The following PREX2 variants were observed in gnomAD, a reference collection of about 807,000 sequenced individuals.
PREX2 encodes the protein phosphatidylinositol 3,4,5-trisphosphate-dependent Rac exchanger 2 protein.
In PREX2, 107 loss-of-function variants were observed where a neutral mutation model predicts 203.2. The observed-to-expected ratio is 0.53, with a 90% confidence interval of 0.45 to 0.62. The LOEUF (loss-of-function observed/expected upper bound fraction) is 0.62, where lower values mean the gene tolerates loss of function less well. Among genes scored for constraint, PREX2 ranks in the 20% least tolerant of loss-of-function variants. PREX2 has a pLI of 0.00. For missense variants in PREX2, 1,777 were observed against 1,955.9 expected (o/e 0.91, Z 1.72); for synonymous variants, 672 against 663.6 (o/e 1.01, Z -0.19).
In PREX2 at chr8:68,184,119, A is replaced by G. The variant is rs576157092; in HGVS notation, c.4347-7603A>G. On this transcript the variant is annotated intron_variant, in intron 35 of 39. Transcript: ENST00000288368. ...AATGCTGATGCTTATGGGCATGGGG[A>G]AGGTAGGTGGGATAGAGGTGCAAAT... Among the ~76,000 whole-genome samples, 60 of 152,216 alleles carry G rather than the reference A, an allele frequency of 3.9e-4. 2 individuals are homozygous for G. In the South Asian group the frequency reaches 0.012, roughly 30 times the overall value.
intron 14 of PREX2, among the ~76,000 whole-genome samples, chr8:68,075,321 G>C (rs550219232): frequency 6.6e-6 from 1 of 152,282 alleles, no homozygotes; most frequent in East Asian, 1.9e-4. Context: ...TATTAAACAA[G>C]CTTTTCTTGT....
intron 35 of PREX2, among the ~76,000 whole-genome samples, chr8:68,166,014 C>A (rs934581377): frequency 2.0e-5 from 3 of 152,194 alleles, no homozygotes; most frequent in African/African-American, 7.2e-5. Flanking sequence ...GCAATCCTTA[C>A]CCAAACCTCT....
chr8:68,110,718 G>A (rs1227325312), intron 25 of PREX2, among the ~76,000 whole-genome samples: 1 of 152,124 alleles, frequency 6.6e-6, no homozygotes, highest in Non-Finnish European at 1.5e-5. Context: ...TACGGATGAA[G>A]TCATAATTGA....
At chr8:68,028,831 A>G (rs1807803915) in intron 5 of PREX2, among the ~76,000 whole-genome samples, 1 of 151,936 alleles carries the variant, frequency 6.6e-6, no homozygotes, top group African/African-American at 2.4e-5. Flanking sequence ...ATTCTAAATT[A>G]CTCATTTCTG....
intron 35 of PREX2, among the ~76,000 whole-genome samples, chr8:68,187,474 A>G (rs1410220226): frequency 6.6e-6 from 1 of 152,184 alleles, no homozygotes; most frequent in Non-Finnish European, 1.5e-5. Context: ...TGTCTATTGA[A>G]TGAGTCCTAT....
At chr8:68,212,772 T>G (rs1812763848) in intron 37 of PREX2, among the ~76,000 whole-genome samples, 1 of 152,196 alleles carries the variant, frequency 6.6e-6, no homozygotes. Flanking sequence ...TTTAAATTAT[T>G]AAGAGTTTAT....
chr8:68,183,822 A>G (rs1453221762), intron 35 of PREX2, among the ~76,000 whole-genome samples: 1 of 152,144 alleles, frequency 6.6e-6, no homozygotes, highest in African/African-American at 2.4e-5. Context: ...AGGGGATAAA[A>G]GAAGTCAGGG....
intron 26 of PREX2, among the ~76,000 whole-genome samples, chr8:68,116,529 G>C (rs984682356): frequency 6.6e-6 from 1 of 152,162 alleles, no homozygotes; most frequent in Non-Finnish European, 1.5e-5. Context: ...TGAAACCAAG[G>C]TGTGGGCTGT....
rs1456322362 is a variant in PREX2 at position 68,235,436 on chromosome 8, A to C, written c.*4058A>C. On this transcript the variant is annotated 3_prime_UTR_variant, in exon 40 of 40. Transcript: ENST00000288368. Reference sequence around the variant, plus strand: ...CACTTAAGAACTCTCTCATAGCAGTAATTTCATTAACACATATATATACTA... The same window carrying C: ...CACTTAAGAACTCTCTCATAGCAGTCATTTCATTAACACATATATATACTA... 6.6e-6 allele frequency: 1 copy of C among 152,196 alleles called. No individual in the cohort carries two copies. Among genetic ancestry groups the C allele is most frequent in the African/African-American group, 2.4e-5 (1 of 41,454 alleles). 9.4% of individuals were successfully genotyped at this position (152,196 alleles called of 1,614,324 possible).
intron 1 of PREX2, among the ~76,000 whole-genome samples, chr8:67,975,272 G>GTTTTTTTTTTTTTTTT (rs75276095): frequency 1.0e-5 from 1 of 96,822 alleles, no homozygotes; most frequent in Non-Finnish European, 2.0e-5. Flanking sequence ...CACACGGCCT[G>GTTTTTTTTTTTTTTTT]TTTTTTTTTT....
At chr8:68,115,605 A>C (rs557306992) in intron 25 of PREX2, 148 bp from the exon 26 acceptor site, 4 of 519,152 alleles carry the variant, frequency 7.7e-6, no homozygotes, top group South Asian at 3.7e-5. Context: ...TTTGAATGAC[A>C]TGCTTTTTAT....
intron 20 of PREX2, among the ~76,000 whole-genome samples, chr8:68,091,035 T>C (rs1207147513): frequency 1.3e-5 from 2 of 152,152 alleles, no homozygotes; most frequent in African/African-American, 4.8e-5. Context: ...TGTGATTGCT[T>C]TAGAATATGT....
At chr8:68,183,034 A>C (rs548730494) in intron 35 of PREX2, among the ~76,000 whole-genome samples, 4 of 152,038 alleles carry the variant, frequency 2.6e-5, no homozygotes, top group South Asian at 4.2e-4. Flanking sequence ...ATGGCAAGGC[A>C]CGGTGTTGAG....
chr8:68,036,267 T>C (rs1808028101), intron 6 of PREX2, among the ~76,000 whole-genome samples: 1 of 152,200 alleles, frequency 6.6e-6, no homozygotes, highest in Non-Finnish European at 1.5e-5. Flanking sequence ...AACGATGTCA[T>C]AATAGTTAGC....
Position 67,976,682 on chromosome 8 carries a change from AGGAGAGAGACAGAGAGAGAGAGACG to A in PREX2, c.141+24169_141+24193del, listed in dbSNP as rs1806115354. The stretch of plus-strand genomic sequence containing the variant: ...ACGGGAGAGAGACAGAGAGAGAGAC[AGGAGAGAGACAGAGAGAGAGAGACG>A]GGAGAGAGACAGAGAGAGAGACAGA... On this transcript the variant is annotated intron_variant, in intron 1 of 39. Coordinates refer to ENST00000288368, the MANE Select transcript of PREX2 (RefSeq NM_024870.4). Among the ~76,000 whole-genome samples the A allele has an allele frequency of 5.0e-5, 3 of 60,206 alleles. 1 individual carries two copies. Among genetic ancestry groups the A allele is most frequent in the Non-Finnish European group, 7.0e-5 (2 of 28,626 alleles). 39.5% of individuals were successfully genotyped at this position (60,206 alleles called of 152,430 possible). A position where few individuals can be genotyped will look rare whatever the true frequency, so the allele number is the denominator to read the frequency against.
chr8:68,234,089 A>T lies in PREX2; in HGVS notation c.*2711A>T, dbSNP rs1813221001. On this transcript the variant is annotated 3_prime_UTR_variant, in exon 40 of 40. Coordinates refer to ENST00000288368, the MANE Select transcript of PREX2 (RefSeq NM_024870.4). ...ACTATTTTGTATCATGTTCCTCCTCATCAAAAATAACAGTTTTAGATAGTA... is the reference window on the plus strand; with the variant it reads ...ACTATTTTGTATCATGTTCCTCCTCTTCAAAAATAACAGTTTTAGATAGTA... 6.6e-6 allele frequency: 1 copy of T among 152,220 alleles called. No homozygotes were observed. The highest frequency in any genetic ancestry group is 1.5e-5 in the Non-Finnish European group (1 of 68,034). 9.4% of individuals were successfully genotyped at this position (152,220 alleles called of 1,614,324 possible).
intron 37 of PREX2, among the ~76,000 whole-genome samples, chr8:68,205,869 A>G (rs1192478531): frequency 6.6e-6 from 1 of 152,228 alleles, no homozygotes; most frequent in African/African-American, 2.4e-5. Flanking sequence ...TGATCACTTT[A>G]CAATCAATAT....
intron 10 of PREX2, among the ~76,000 whole-genome samples, chr8:68,058,529 G>C (rs890533087): frequency 6.6e-6 from 1 of 152,030 alleles, no homozygotes; most frequent in African/African-American, 2.4e-5. Flanking sequence ...TGCCTCCCGG[G>C]TTCAAGTTAT....
intron 1 of PREX2, among the ~76,000 whole-genome samples, chr8:67,990,519 A>AT (rs1215605204): frequency 3.4e-5 from 5 of 145,972 alleles, no homozygotes; most frequent in African/African-American, 5.1e-5. Flanking sequence ...TTAATTTTTA[A>AT]TTTTTTTTGA....
Sources: gnomAD v4.1 joint callset for allele counts (sites outside exome capture counted in the v4.1 genomes callset) on GRCh38, gnomAD v4.1.1 for gene constraint, MANE v1.5 for transcripts, NCBI Gene and HGNC (gene_info 2026-07-23, HGNC 2026-07-21) for gene names.